The following ARHGEF3 variants were observed in gnomAD, a reference collection of about 807,000 sequenced individuals.
ARHGEF3 encodes the protein Rho guanine nucleotide exchange factor 3.
Under a neutral mutation model 63.2 loss-of-function variants are expected in ARHGEF3, and 28 were observed. The observed-to-expected ratio is 0.44, with a 90% CI of 0.33 to 0.61. ARHGEF3 has a LOEUF of 0.61. Among genes scored for constraint, ARHGEF3 ranks in the 20% least tolerant of loss-of-function variants. The probability of loss-of-function intolerance (pLI) is 0.03; values close to 1 mark genes in which losing one functional copy is unlikely to be tolerated. For missense variants in ARHGEF3, 533 were observed against 659.3 expected, an observed-to-expected ratio of 0.81 and a Z score of 2.10; for synonymous variants, 266 against 254.2, an observed-to-expected ratio of 1.05 and a Z score of -0.44.
intron 3 of ARHGEF3, among the ~76,000 whole-genome samples, chr3:56,944,735 T>C (rs1200731058): frequency 1.3e-5 from 2 of 151,728 alleles, no homozygotes; most frequent in Non-Finnish European, 2.9e-5. Context: ...TGCGCAACCA[T>C]GTCCAGCTAA....
chr3:56,922,492 G>A (rs2042170239), intron 3 of ARHGEF3, among the ~76,000 whole-genome samples: 2 of 148,574 alleles, frequency 1.3e-5, no homozygotes, highest in African/African-American at 2.5e-5. Context: ...ATGGGGGTGG[G>A]AGGGAGGGGT....
At chr3:56,897,525 C>G (rs1452117330) in intron 3 of ARHGEF3, among the ~76,000 whole-genome samples, 1 of 151,816 alleles carries the variant, frequency 6.6e-6, no homozygotes. Context: ...TAACCATGAA[C>G]TCATTCTGAT....
intron 3 of ARHGEF3, among the ~76,000 whole-genome samples, chr3:56,943,971 G>A (rs71309988): frequency 0.011 from 1,640 of 151,046 alleles, 6 homozygotes; most frequent in Non-Finnish European, 0.016. Context: ...GAGGTCAGAC[G>A]TTCGAGACCA....
intron 2 of ARHGEF3, among the ~76,000 whole-genome samples, chr3:57,023,360 C>A (rs1703338268): frequency 6.6e-6 from 1 of 152,244 alleles, no homozygotes; most frequent in Non-Finnish European, 1.5e-5. Context: ...TTATTCTCAA[C>A]AGGTATTTAT....
At chr3:57,067,395 T>C (rs1365158800) in intron 1 of ARHGEF3, among the ~76,000 whole-genome samples, 2 of 150,706 alleles carry the variant, frequency 1.3e-5, no homozygotes, top group Non-Finnish European at 3.0e-5. Flanking sequence ...GCAGAGCTTA[T>C]AGTGAGCCAA....
At chr3:56,814,303 G>T (rs147813375) in intron 4 of ARHGEF3, among the ~76,000 whole-genome samples, 1 of 151,932 alleles carries the variant, frequency 6.6e-6, no homozygotes, top group East Asian at 1.9e-4. Flanking sequence ...TTTTTTTTGC[G>T]ATTTTTTTTA....
chr3:56,769,946 G>A (rs1264571914), intron 2 of ARHGEF3, among the ~76,000 whole-genome samples: 1 of 152,174 alleles, frequency 6.6e-6, no homozygotes, highest in Non-Finnish European at 1.5e-5. Context: ...TATGGGTAAT[G>A]GATGGCTGCT....
chr3:56,856,120 T>C lies in ARHGEF3; in HGVS notation c.192+26172A>G, dbSNP rs138383599. 2.3e-4 allele frequency among the ~76,000 whole-genome samples: 35 copies of C among 152,226 alleles called. 1 individual carries two copies. The East Asian group carries it at 5.8e-3, about 25-fold the overall frequency. On this transcript the variant is annotated intron_variant, in intron 4 of 12. Transcript: ENST00000338458. ...GGCCAGTGGTGGACGAGATGTCTGGTAGGGGTCTGGACAATCTGAGTCCAT... is the reference window on the plus strand; with the variant it reads ...GGCCAGTGGTGGACGAGATGTCTGGCAGGGGTCTGGACAATCTGAGTCCAT...
At chr3:56,881,336 G>A (rs1395589807) in intron 4 of ARHGEF3, among the ~76,000 whole-genome samples, 3 of 152,152 alleles carry the variant, frequency 2.0e-5, no homozygotes, top group African/African-American at 7.2e-5. Flanking sequence ...ACGGCCTAAT[G>A]TTAGACGGAT....
At chr3:56,993,239 A>C (rs528748346) in intron 2 of ARHGEF3, among the ~76,000 whole-genome samples, 2 of 152,258 alleles carry the variant, frequency 1.3e-5, no homozygotes, top group Non-Finnish European at 2.9e-5. Flanking sequence ...TGTCTAAATC[A>C]ACTCCTAGTT....
chr3:57,071,299 C>T (rs1027655152), intron 1 of ARHGEF3, among the ~76,000 whole-genome samples: 1 of 152,122 alleles, frequency 6.6e-6, no homozygotes, highest in Non-Finnish European at 1.5e-5. Flanking sequence ...ACACCACATA[C>T]AAACATCAAA....
intron 3 of ARHGEF3, among the ~76,000 whole-genome samples, chr3:56,754,335 G>A (rs1009640075): frequency 6.6e-6 from 1 of 152,216 alleles, no homozygotes; most frequent in Non-Finnish European, 1.5e-5. Context: ...CGATATTTCA[G>A]GGTCTACTGT....
chr3:57,072,434 A>G (rs529819694), intron 1 of ARHGEF3, among the ~76,000 whole-genome samples: 1 of 133,482 alleles, frequency 7.5e-6, no homozygotes, highest in Non-Finnish European at 1.7e-5. Context: ...TCCAGGCCAA[A>G]TAAAGAATTA....
At chr3:56,922,765 G>C (rs75943000) in intron 3 of ARHGEF3, among the ~76,000 whole-genome samples, 18,787 of 152,008 alleles carry the variant, frequency 0.12, 1,543 homozygotes, top group Non-Finnish European at 0.18. Context: ...TTTACTAGTT[G>C]AATGACCTGG....
At chr3:56,731,301 T>C (rs2033139630) in intron 9 of ARHGEF3, among the ~76,000 whole-genome samples, 1 of 151,914 alleles carries the variant, frequency 6.6e-6, no homozygotes, top group African/African-American at 2.4e-5. Context: ...GAGGCTGAGG[T>C]GGGTGGATTA....
intron 2 of ARHGEF3, among the ~76,000 whole-genome samples, chr3:56,970,867 G>C (rs530995084): frequency 6.6e-6 from 1 of 152,216 alleles, no homozygotes; most frequent in Non-Finnish European, 1.5e-5. Context: ...TGTAGCGCTG[G>C]ACAAGTGACT....
intron 1 of ARHGEF3, chr3:57,078,894 T>C (rs960642310): frequency 1.3e-5 from 3 of 237,120 alleles, no homozygotes; most frequent in Non-Finnish European, 2.4e-5. Flanking sequence ...CTCAAGGGGC[T>C]ACCCGGGGAA....
chr3:56,794,563 G>T (rs1239593657), intron 1 of ARHGEF3, among the ~76,000 whole-genome samples: 1 of 150,744 alleles, frequency 6.6e-6, no homozygotes, highest in African/African-American at 2.4e-5. Context: ...ACTAAGAAAG[G>T]ATTTTCTCAT....
At chr3:56,976,883 A>G (rs1036987316) in intron 2 of ARHGEF3, among the ~76,000 whole-genome samples, 3 of 152,218 alleles carry the variant, frequency 2.0e-5, no homozygotes, top group African/African-American at 7.2e-5. Context: ...ACCAAACAGC[A>G]AGCCACCATG....
Sources: allele counts gnomAD v4.1 joint callset (sites outside exome capture counted in the v4.1 genomes callset), GRCh38; gene constraint gnomAD v4.1.1; transcripts MANE v1.5; gene names NCBI Gene and HGNC (gene_info 2026-07-23, HGNC 2026-07-21).